KATNIP: variants seen among roughly 807,000 people sequenced by gnomAD.
KATNIP encodes katanin interacting protein, also known as katanin-interacting protein.
KATNIP carries 126 observed loss-of-function variants against 174.0 expected under a neutral mutation model. That is an observed-to-expected ratio of 0.72 (90% CI 0.63 to 0.84). KATNIP has a LOEUF of 0.84. Ranked by LOEUF, KATNIP falls within the 40% of genes least tolerant of loss-of-function variation. The pLI is 0.00. For synonymous variants in KATNIP, 810 were observed against 835.7 expected (o/e 0.97, Z 0.53); for missense variants, 1,958 against 2,109.7 (o/e 0.93, Z 1.41).
intron 8 of KATNIP, among the ~76,000 whole-genome samples, chr16:27,694,056 TCA>T (rs2078832637): frequency 6.6e-6 from 1 of 152,184 alleles, no homozygotes; most frequent in South Asian, 2.1e-4. Flanking sequence ...GCATTTGCAC[TCA>T]CAGCCCCTTT....
At chr16:27,747,983 T>C (rs1472919562) in intron 15 of KATNIP, among the ~76,000 whole-genome samples, 1 of 152,106 alleles carries the variant, frequency 6.6e-6, no homozygotes, top group African/African-American at 2.4e-5. Flanking sequence ...CCGAGCCCCC[T>C]AGGAGACAGG....
chr16:27,592,140 G>T (rs950959533), intron 2 of KATNIP, among the ~76,000 whole-genome samples: 1 of 152,042 alleles, frequency 6.6e-6, no homozygotes, highest in Non-Finnish European at 1.5e-5. Context: ...TTAGATGACT[G>T]GGCATGATGA....
At chr16:27,703,661 G>A (rs2079188536) in intron 11 of KATNIP, among the ~76,000 whole-genome samples, 1 of 152,172 alleles carries the variant, frequency 6.6e-6, no homozygotes, top group Non-Finnish European at 1.5e-5. Flanking sequence ...AGGTCAGCTG[G>A]CCACCTTGCC....
chr16:27,762,685 GGCTTCTCCCT>G (rs1254240802), intron 19 of KATNIP, among the ~76,000 whole-genome samples: 2 of 152,192 alleles, frequency 1.3e-5, no homozygotes, highest in South Asian at 4.1e-4. Flanking sequence ...GTTGGTGGCA[GGCTTCTCCCT>G]GCTTTTCTAT....
At chr16:27,716,328 T>C (rs899527959) in intron 13 of KATNIP, among the ~76,000 whole-genome samples, 21 of 152,170 alleles carry the variant, frequency 1.4e-4, no homozygotes, top group Admixed American at 1.0e-3. Context: ...AGACTGCTAA[T>C]GAATGTGGTT....
At chr16:27,671,515 G>A (rs1308128182) in intron 6 of KATNIP, among the ~76,000 whole-genome samples, 2 of 152,140 alleles carry the variant, frequency 1.3e-5, no homozygotes, top group African/African-American at 4.8e-5. Flanking sequence ...CGATCTTTGT[G>A]TACTTAGGAC....
At chr16:27,775,905 C>G (rs2082478595) in intron 24 of KATNIP, among the ~76,000 whole-genome samples, 2 of 152,098 alleles carry the variant, frequency 1.3e-5, no homozygotes, top group South Asian at 2.1e-4. Flanking sequence ...TAAAATTAGA[C>G]CCCCCCTATT....
intron 6 of KATNIP, among the ~76,000 whole-genome samples, chr16:27,650,126 C>T (rs2077073982): frequency 1.3e-5 from 2 of 151,706 alleles, no homozygotes; most frequent in Admixed American, 6.6e-5. Context: ...TGAGCCAAGA[C>T]TGCACCACTG....
chr16:27,668,585 A>C (rs2077769497), intron 6 of KATNIP, among the ~76,000 whole-genome samples: 1 of 152,208 alleles, frequency 6.6e-6, no homozygotes, highest in Non-Finnish European at 1.5e-5. Context: ...ACTAATACAG[A>C]GTCAGATGGT....
chr16:27,628,596 C>A (rs2076397114), intron 3 of KATNIP, 65 bp from the exon 4 acceptor site: 1 of 1,546,794 alleles, frequency 6.5e-7, no homozygotes, highest in Non-Finnish European at 8.9e-7. Context: ...TCACTCCTGG[C>A]TTGGGGGTAC....
chr16:27,754,177 C>G lies in KATNIP; in HGVS notation c.3557C>G (p.Pro1186Arg). ...GCTTCTCCAACCCATGTGCAGATCC[C>G]GGAGCTAGAGCTCCCATCCAGTTCC... The part of the protein sequence containing the change: ...QAGLGADERI[P>R]ELELPSSSPV... The change falls in exon 18 of 28, where the codon CCG becomes CGG. Residue 1186 changes from proline (P) to arginine (R), a missense_variant. Physicochemically the swap from Pro to Arg is moderately radical, Grantham distance 103. This residue lies in a region of KATNIP where 1,557 missense variants were observed against 1,617.8 expected (regional missense o/e 0.96). Coordinates refer to ENST00000261588, the MANE Select transcript of KATNIP (RefSeq NM_015202.5). 1 of 1,613,780 alleles carries G rather than the reference C, an allele frequency of 6.2e-7. No individual in the cohort carries two copies. The highest frequency in any genetic ancestry group is 8.5e-7 in the Non-Finnish European group (1 of 1,179,684).
intron 17 of KATNIP, among the ~76,000 whole-genome samples, chr16:27,753,712 C>CCCTTCCTTCCTTCCTT (rs1004853590): frequency 8.3e-4 from 126 of 151,236 alleles, no homozygotes; most frequent in African/African-American, 2.8e-3. Context: ...CTTCCACTTC[C>CCCTTCCTTCCTTCCTT]CCTTCCTTCC....
chr16:27,773,332 C>T (rs2082379474), intron 23 of KATNIP, 123 bp downstream of exon 23: 1 of 643,478 alleles, frequency 1.6e-6, no homozygotes. Context: ...GCCCAGGGGG[C>T]TTTGCTTATA....
At chr16:27,735,538 G>T (rs2080866519) in intron 14 of KATNIP, among the ~76,000 whole-genome samples, 1 of 152,212 alleles carries the variant, frequency 6.6e-6, no homozygotes, top group African/African-American at 2.4e-5. Flanking sequence ...TGAATTCACA[G>T]CACGCACTTG....
chr16:27,600,449 C>T (rs537891846), intron 2 of KATNIP, among the ~76,000 whole-genome samples: 1 of 152,274 alleles, frequency 6.6e-6, no homozygotes, highest in South Asian at 2.1e-4. Context: ...CTTAAGCATA[C>T]CTGGGATGTC....
rs9889189 is a variant in KATNIP at position 27,654,823 on chromosome 16, C to T, written c.540+6088C>T. ...GCTGTGCCTGCCTTAAGATGGACTCCGTGAGAGAGTCTAGGAAAACCACAG... is the reference window on the plus strand; with the variant it reads ...GCTGTGCCTGCCTTAAGATGGACTCTGTGAGAGAGTCTAGGAAAACCACAG... On this transcript the variant is annotated intron_variant, in intron 6 of 27. Transcript: ENST00000261588. 7.9e-3 allele frequency: 9,699 copies of T among 1,229,618 alleles called. 566 individuals carry two copies. The African/African-American group carries it at 0.13, about 16-fold the overall frequency. The allele number at this position is 1,229,618 out of a possible 1,614,324, so 76.2% of individuals were successfully genotyped here.
At position 27,749,563 on chromosome 16, in the gene KATNIP, CT is replaced by C. The variant is rs1383545913; in HGVS notation, c.2624-20del. 7.2e-6 allele frequency: 11 copies of C among 1,520,624 alleles called. No individual in the cohort carries two copies. The highest frequency in any genetic ancestry group is 1.9e-4 in the Middle Eastern group (1 of 5,148). 94.2% of individuals were successfully genotyped at this position (1,520,624 alleles called of 1,614,324 possible). A position where few individuals can be genotyped will look rare whatever the true frequency, so the allele number is the denominator to read the frequency against. On this transcript the variant is annotated intron_variant, in intron 15 of 27. Coordinates refer to ENST00000261588, the MANE Select transcript of KATNIP (RefSeq NM_015202.5). Reference sequence around the variant, plus strand: ...ACATGCCACTCACAGGGCTTCCCCCCTCTTGTGTCCTTTCTTCCAGAAGACA... The same window carrying C: ...ACATGCCACTCACAGGGCTTCCCCCCCTTGTGTCCTTTCTTCCAGAAGACA...
chr16:27,734,222 A>G (rs1462030639), intron 14 of KATNIP, among the ~76,000 whole-genome samples: 3 of 151,830 alleles, frequency 2.0e-5, no homozygotes, highest in African/African-American at 4.8e-5. Context: ...AGCTGAGATT[A>G]TAGGTGCCTG....
At chr16:27,623,207 C>T (rs937938300) in intron 3 of KATNIP, among the ~76,000 whole-genome samples, 7 of 152,168 alleles carry the variant, frequency 4.6e-5, no homozygotes, top group African/African-American at 1.7e-4. Context: ...CAAGAAACAG[C>T]AGGAAGGAGC....
Sources: allele counts gnomAD v4.1 joint callset (sites outside exome capture counted in the v4.1 genomes callset), GRCh38; gene constraint gnomAD v4.1.1; regional missense constraint gnomAD v4.1.1; transcripts MANE v1.5; gene names NCBI Gene and HGNC (gene_info 2026-07-23, HGNC 2026-07-21).